Variants in BMPR1B observed in about 807,000 individuals in gnomAD.
The protein encoded by BMPR1B is bone morphogenetic protein receptor type-1B.
A neutral mutation model predicts 59.1 loss-of-function variants in BMPR1B; 12 were observed. The ratio of observed to expected loss-of-function variants is 0.20; its 90% confidence interval spans 0.13 to 0.33. BMPR1B has a LOEUF of 0.33. Ranked by LOEUF, BMPR1B falls within the 10% of genes least tolerant of loss-of-function variation. The probability of loss-of-function intolerance (pLI) is 1.00; values close to 1 mark genes in which losing one functional copy is unlikely to be tolerated. For missense variants in BMPR1B, 550 were observed against 610.9 expected (o/e 0.90, Z 1.05); for synonymous variants, 237 against 207.3 (o/e 1.14, Z -1.23).
At chr4:95,031,849 C>T (rs565328031) in intron 3 of BMPR1B, among the ~76,000 whole-genome samples, 15 of 152,134 alleles carry the variant, frequency 9.9e-5, no homozygotes, top group Non-Finnish European at 1.9e-4. Context: ...ATTGCTTGAG[C>T]CCAGGAGTTC....
chr4:95,116,143 A>C lies in BMPR1B; in HGVS notation c.349+356A>C, dbSNP rs143213157. On this transcript the variant is annotated intron_variant, in intron 6 of 12. Transcript: ENST00000515059. ...CAAAAACTACCATTTGTCTATATTT[A>C]TTTTAAAAGTAAAGACCATATAAAG... is the stretch of plus-strand genomic sequence containing the variant. Among the ~76,000 whole-genome samples, 707 of 152,204 alleles carry C rather than the reference A, an allele frequency of 4.6e-3. 5 individuals are homozygous for C. Among genetic ancestry groups the C allele is most frequent in the African/African-American group, 0.015 (637 of 41,544 alleles).
rs1228784327 is a variant in BMPR1B, at chr4:94,867,986, T to C, written c.-182-7845T>C. Among the ~76,000 whole-genome samples the C allele has an allele frequency of 4.0e-5, 6 of 150,114 alleles. No homozygotes were observed. In the East Asian group the frequency reaches 6.0e-4, roughly 15 times the overall value. On this transcript the variant is annotated intron_variant, in intron 1 of 12. Coordinates refer to ENST00000515059, the MANE Select transcript of BMPR1B (RefSeq NM_001203.3). ...TCAGCCTCCCAAGTACATGGGACTA[T>C]AGGCATGTGCCACCGTGCCTGTGCC...
At chr4:95,078,584 A>G (rs561309167) in intron 3 of BMPR1B, among the ~76,000 whole-genome samples, 1 of 152,320 alleles carries the variant, frequency 6.6e-6, no homozygotes, top group South Asian at 2.1e-4. Context: ...TCAAAGCCAT[A>G]CAGCTAATTA....
In BMPR1B at chr4:95,030,245, T is replaced by G. The variant is rs192534559; in HGVS notation, c.-18+34111T>G. Among the ~76,000 whole-genome samples, 157 of 152,328 alleles carry G rather than the reference T, an allele frequency of 1.0e-3. 1 individual carries two copies. Among genetic ancestry groups the G allele is most frequent in the African/African-American group, 3.6e-3 (149 of 41,580 alleles). ...GGTTTTCTTCTGTGGTTTTTATGGTTTTAGGTCTAATGTTTAAGTCTTTAA... is the reference window on the plus strand; with the variant it reads ...GGTTTTCTTCTGTGGTTTTTATGGTGTTAGGTCTAATGTTTAAGTCTTTAA... On this transcript the variant is annotated intron_variant, in intron 3 of 12. Coordinates refer to ENST00000515059, the MANE Select transcript of BMPR1B (RefSeq NM_001203.3).
At chr4:95,084,695 G>A (rs1341546143) in intron 3 of BMPR1B, among the ~76,000 whole-genome samples, 1 of 152,202 alleles carries the variant, frequency 6.6e-6, no homozygotes, top group African/African-American at 2.4e-5. Context: ...CTACATTACA[G>A]TGTTGACACA....
intron 10 of BMPR1B, among the ~76,000 whole-genome samples, chr4:95,146,086 A>C: frequency 6.6e-6 from 1 of 152,210 alleles, no homozygotes; most frequent in East Asian, 1.9e-4. Context: ...TGACTATGAC[A>C]AGTATTTGGG....
intron 2 of BMPR1B, among the ~76,000 whole-genome samples, chr4:94,900,338 C>CAA (rs34541975): frequency 0.012 from 1,269 of 110,186 alleles, 19 homozygotes; most frequent in African/African-American, 0.037. Flanking sequence ...AAGTGGCCAG[C>CAA]AAAAAAAAAA....
intron 1 of BMPR1B, among the ~76,000 whole-genome samples, chr4:94,819,143 ATTT>A (rs71583667): frequency 2.0e-5 from 3 of 148,454 alleles, no homozygotes; most frequent in African/African-American, 4.9e-5. Context: ...CTCAAATAAA[ATTT>A]TTTTTTTTTT....
At chr4:95,084,316 T>C (rs1284928433) in intron 3 of BMPR1B, among the ~76,000 whole-genome samples, 1 of 151,748 alleles carries the variant, frequency 6.6e-6, no homozygotes, top group African/African-American at 2.4e-5. Flanking sequence ...TTTATATTTA[T>C]ACGTGTGTGT....
chr4:95,105,341 G>T (rs1302352086), intron 4 of BMPR1B, among the ~76,000 whole-genome samples: 4 of 152,028 alleles, frequency 2.6e-5, no homozygotes, highest in Admixed American at 6.6e-5. Context: ...GAGAAGCAGA[G>T]TGTGCCTTAA....
chr4:95,004,309 G>T (rs1370911871), intron 3 of BMPR1B, among the ~76,000 whole-genome samples: 1 of 152,064 alleles, frequency 6.6e-6, no homozygotes, highest in African/African-American at 2.4e-5. Context: ...TCTGCCCTTT[G>T]TTGATACATT....
intron 1 of BMPR1B, among the ~76,000 whole-genome samples, chr4:94,875,037 C>G (rs1726666790): frequency 6.6e-6 from 1 of 152,020 alleles, no homozygotes; most frequent in African/African-American, 2.4e-5. Context: ...ATTTAAGTAT[C>G]AAAATCCTTG....
chr4:95,102,255 C>G (rs1490962481), intron 3 of BMPR1B, among the ~76,000 whole-genome samples: 1 of 152,162 alleles, frequency 6.6e-6, no homozygotes. Context: ...CATCTTACTT[C>G]CAATCACATG....
chr4:94,792,935 G>C (rs1723036940), intron 1 of BMPR1B, among the ~76,000 whole-genome samples: 1 of 152,052 alleles, frequency 6.6e-6, no homozygotes, highest in Non-Finnish European at 1.5e-5. Flanking sequence ...AGTAACGGCA[G>C]TGTTTAGATA....
At chr4:94,953,905 G>A (rs1367801909) in intron 2 of BMPR1B, among the ~76,000 whole-genome samples, 6 of 152,088 alleles carry the variant, frequency 3.9e-5, no homozygotes, top group Admixed American at 3.3e-4. Flanking sequence ...GTGGAACATA[G>A]GTTTGGTCTT....
At chr4:95,096,487 TG>T (rs1730381702) in intron 3 of BMPR1B, among the ~76,000 whole-genome samples, 2 of 151,238 alleles carry the variant, frequency 1.3e-5, no homozygotes, top group African/African-American at 4.8e-5. Context: ...ATTCTATTTT[TG>T]TATTATTCCT....
chr4:94,788,424 C>T (rs1265233007), intron 1 of BMPR1B, among the ~76,000 whole-genome samples: 1 of 152,058 alleles, frequency 6.6e-6, no homozygotes, highest in Non-Finnish European at 1.5e-5. Context: ...TGTGAATGGA[C>T]ATTTTGAACA....
intron 3 of BMPR1B, among the ~76,000 whole-genome samples, chr4:95,096,412 T>G (rs1730377082): frequency 6.6e-6 from 1 of 151,524 alleles, no homozygotes; most frequent in African/African-American, 2.4e-5. Flanking sequence ...GTTAGGTAAT[T>G]TCATGAAATT....
chr4:94,980,367 C>T (rs886605266), intron 2 of BMPR1B, among the ~76,000 whole-genome samples: 2 of 152,204 alleles, frequency 1.3e-5, no homozygotes, highest in African/African-American at 2.4e-5. Flanking sequence ...CACTCACCCT[C>T]TGGTAAATTC....
Sources: gnomAD v4.1 joint callset for allele counts (sites outside exome capture counted in the v4.1 genomes callset) on GRCh38, gnomAD v4.1.1 for gene constraint, MANE v1.5 for transcripts, NCBI Gene and HGNC (gene_info 2026-07-23, HGNC 2026-07-21) for gene names.